The following HPSE2 variants were observed in gnomAD, a reference collection of about 807,000 sequenced individuals.
HPSE2 encodes heparanase 2 (inactive).
Under a neutral mutation model 60.5 loss-of-function variants are expected in HPSE2, and 38 were observed. The observed-to-expected ratio is 0.63, with a 90% CI of 0.48 to 0.82. HPSE2 has a LOEUF of 0.82. Among genes scored for constraint, HPSE2 ranks in the 40% least tolerant of loss-of-function variants. HPSE2 has a pLI of 0.00. For synonymous variants in HPSE2, 295 were observed against 293.2 expected, an observed-to-expected ratio of 1.01 and a Z score of -0.06; for missense variants, 713 against 740.4, an observed-to-expected ratio of 0.96 and a Z score of 0.43.
intron 3 of HPSE2, among the ~76,000 whole-genome samples, chr10:98,935,661 C>A (rs1030035144): frequency 6.9e-6 from 1 of 144,324 alleles, no homozygotes; most frequent in Admixed American, 6.9e-5. Flanking sequence ...CCTCTGGAAG[C>A]TTCATCCCAG....
intron 6 of HPSE2, among the ~76,000 whole-genome samples, chr10:98,677,833 T>G (rs1487471366): frequency 1.3e-5 from 2 of 152,216 alleles, no homozygotes; most frequent in East Asian, 3.8e-4. Context: ...GCAGAATTTT[T>G]GCTTAACAAG....
At chr10:99,054,373 A>C (rs908756481) in intron 3 of HPSE2, among the ~76,000 whole-genome samples, 1 of 152,162 alleles carries the variant, frequency 6.6e-6, no homozygotes, top group Non-Finnish European at 1.5e-5. Flanking sequence ...CACTGCTGGC[A>C]TTCAGTTGAG....
the HPSE2 span, among the ~76,000 whole-genome samples, chr10:99,258,451 A>T: frequency 6.6e-6 from 1 of 152,086 alleles, no homozygotes; most frequent in Non-Finnish European, 1.5e-5. Context: ...TTAAGAGGTC[A>T]ATTCTCCCAA....
chr10:98,466,623 A>AAAAG (rs1231131294), intron 11 of HPSE2, among the ~76,000 whole-genome samples: 1 of 151,832 alleles, frequency 6.6e-6, no homozygotes, highest in African/African-American at 2.4e-5. Context: ...AAAAAAAAAA[A>AAAAG]AAAAGAAAAG....
At chr10:99,309,571 T>C in the HPSE2 span, among the ~76,000 whole-genome samples, 2 of 152,320 alleles carry the variant, frequency 1.3e-5, no homozygotes, top group East Asian at 3.9e-4. Flanking sequence ...CAAACGATTA[T>C]GCACCACCTA....
chr10:99,216,254 G>C (rs932950756), intron 2 of HPSE2, among the ~76,000 whole-genome samples: 2 of 147,858 alleles, frequency 1.4e-5, no homozygotes, highest in African/African-American at 5.1e-5. Context: ...GAGTGCAGTG[G>C]CACGATCTTG....
At chr10:98,922,334 A>G (rs187394323) in intron 3 of HPSE2, among the ~76,000 whole-genome samples, 53 of 152,254 alleles carry the variant, frequency 3.5e-4, no homozygotes, top group African/African-American at 1.3e-3. Context: ...AAAGTTCTAT[A>G]AAAGACCAAG....
At chr10:99,231,781 C>T (rs1253463649) in intron 2 of HPSE2, among the ~76,000 whole-genome samples, 1 of 151,982 alleles carries the variant, frequency 6.6e-6, no homozygotes, top group Admixed American at 6.6e-5. Context: ...CAACAAGGGA[C>T]CAATTTAAAA....
chr10:99,217,238 C>G (rs1430399240), intron 2 of HPSE2, among the ~76,000 whole-genome samples: 2 of 147,910 alleles, frequency 1.4e-5, no homozygotes, highest in African/African-American at 4.9e-5. Flanking sequence ...CAGGTGATGC[C>G]CTCCTCCTGG....
At chr10:98,562,445 G>A (rs1265192711) in intron 9 of HPSE2, among the ~76,000 whole-genome samples, 4 of 152,088 alleles carry the variant, frequency 2.6e-5, no homozygotes, top group Admixed American at 6.5e-5. Flanking sequence ...GGCCGGGCAC[G>A]GTGGCTCATG....
At chr10:99,277,627 T>A in the HPSE2 span, among the ~76,000 whole-genome samples, 10 of 152,208 alleles carry the variant, frequency 6.6e-5, no homozygotes, top group African/African-American at 9.6e-5. Context: ...TAGAAATATG[T>A]AGCATTTCTA....
intron 9 of HPSE2, among the ~76,000 whole-genome samples, chr10:98,600,597 G>A (rs1029664113): frequency 4.0e-5 from 6 of 151,780 alleles, no homozygotes; most frequent in Admixed American, 3.9e-4. Flanking sequence ...TCCTCCTCAT[G>A]GAGAAGGAGG....
chr10:99,167,366 C>T (rs1022376039), intron 2 of HPSE2, among the ~76,000 whole-genome samples: 1 of 152,184 alleles, frequency 6.6e-6, no homozygotes, highest in African/African-American at 2.4e-5. Flanking sequence ...ACACAGATTT[C>T]TCCCTTTTCT....
At chr10:98,847,878 C>A (rs571818488) in intron 3 of HPSE2, among the ~76,000 whole-genome samples, 5 of 152,198 alleles carry the variant, frequency 3.3e-5, no homozygotes, top group African/African-American at 7.2e-5. Context: ...AAAACAGGGA[C>A]CAGACTTAAG....
intron 6 of HPSE2, among the ~76,000 whole-genome samples, chr10:98,665,873 G>A (rs542857448): frequency 9.9e-5 from 15 of 152,042 alleles, no homozygotes; most frequent in South Asian, 2.1e-4. Flanking sequence ...GCAATTACAC[G>A]ATCAAATTTA....
intron 3 of HPSE2, among the ~76,000 whole-genome samples, chr10:98,865,509 T>C (rs1259613799): frequency 6.6e-6 from 1 of 152,056 alleles, no homozygotes; most frequent in Non-Finnish European, 1.5e-5. Flanking sequence ...ACAGAAAAGA[T>C]GAAAAGGAGC....
At chr10:99,303,590 C>T in the HPSE2 span, among the ~76,000 whole-genome samples, 1 of 152,204 alleles carries the variant, frequency 6.6e-6, no homozygotes, top group African/African-American at 2.4e-5. Context: ...TACTGTTAAA[C>T]TTCAGGGAAT....
chr10:98,682,532 T>C (rs1947813270), intron 6 of HPSE2, among the ~76,000 whole-genome samples: 1 of 152,128 alleles, frequency 6.6e-6, no homozygotes, highest in Non-Finnish European at 1.5e-5. Flanking sequence ...AGAGTATTGG[T>C]TGCTTACCCT....
chr10:98,538,931 C>T (rs1273376208), intron 9 of HPSE2, among the ~76,000 whole-genome samples: 1 of 152,170 alleles, frequency 6.6e-6, no homozygotes, highest in African/African-American at 2.4e-5. Flanking sequence ...CCAATGGATT[C>T]ATGTGTATTG....
Sources: gnomAD v4.1 joint callset for allele counts (sites outside exome capture counted in the v4.1 genomes callset) on GRCh38, gnomAD v4.1.1 for gene constraint, MANE v1.5 for transcripts, NCBI Gene and HGNC (gene_info 2026-07-23, HGNC 2026-07-21) for gene names.